ANHX: variants seen among roughly 807,000 people sequenced by gnomAD.
ANHX encodes the protein anomalous homeobox protein.
A neutral mutation model predicts 38.9 loss-of-function variants in ANHX; 20 were observed. The ratio of observed to expected loss-of-function variants is 0.51; its 90% CI spans 0.36 to 0.75. The LOEUF (loss-of-function observed/expected upper bound fraction) is 0.75, where lower values mean the gene tolerates loss of function less well. ANHX is among the 30% of genes least tolerant of loss of function. The probability of loss-of-function intolerance (pLI) is 0.00; values close to 1 mark genes in which losing one functional copy is unlikely to be tolerated. For missense variants in ANHX, 475 were observed against 493.1 expected, an observed-to-expected ratio of 0.96 and a Z score of 0.35; for synonymous variants, 185 against 203.1, an observed-to-expected ratio of 0.91 and a Z score of 0.76.
At position 133,224,703 on chromosome 12, in the gene ANHX, C is replaced by T. The variant is rs938451881; in HGVS notation, c.1132+833G>A. On this transcript the variant is annotated intron_variant, in intron 7 of 9. Transcript: ENST00000545940. ...AAAAAATGCTGGGCGTGGTGGCTCACGCCTGTAATCCCAGCACTTTGGGAG... is the reference window on the plus strand; with the variant it reads ...AAAAAATGCTGGGCGTGGTGGCTCATGCCTGTAATCCCAGCACTTTGGGAG... 2.1e-4 allele frequency among the ~76,000 whole-genome samples: 31 copies of T among 148,720 alleles called. No individual in the cohort carries two copies. The Middle Eastern group carries it at 0.011, about 53-fold the overall frequency.
chr12:133,231,397 G>A, intron 3 of ANHX, 120 bp downstream of exon 3: 1 of 1,364,828 alleles, frequency 7.3e-7, no homozygotes, highest in Non-Finnish European at 9.9e-7. Context: ...TGCTCCGGCG[G>A]ACATTTCCTG....
chr12:133,223,862 A>T (rs1208533845), intron 7 of ANHX, among the ~76,000 whole-genome samples: 1 of 152,156 alleles, frequency 6.6e-6, no homozygotes, highest in East Asian at 1.9e-4. Flanking sequence ...CCCAAAAAAT[A>T]AGAAAAAAAG....
intron 2 of ANHX, among the ~76,000 whole-genome samples, chr12:133,233,748 G>A (rs930398934): frequency 3.3e-5 from 5 of 152,178 alleles, no homozygotes; most frequent in East Asian, 1.9e-4. Flanking sequence ...ACTTGCGGCC[G>A]GGGAATGAGA....
chr12:133,223,211 T>A (rs1593957527), intron 7 of ANHX, among the ~76,000 whole-genome samples: 1 of 151,494 alleles, frequency 6.6e-6, no homozygotes, highest in Admixed American at 6.6e-5. Context: ...TATATATATA[T>A]AACTGTTAAA....
chr12:133,226,867 C>T, intron 5 of ANHX, 69 bp downstream of exon 5: 1 of 1,396,326 alleles, frequency 7.2e-7, no homozygotes, highest in Non-Finnish European at 9.5e-7. Flanking sequence ...AGTGTGACTA[C>T]CTAGGCCTGG....
At chr12:133,235,786 C>T (rs1189116881) in intron 1 of ANHX, 21 bp downstream of exon 1, 8 of 145,318 alleles carry the variant, frequency 5.5e-5, no homozygotes, top group Non-Finnish European at 6.2e-5. Context: ...TCCCGGACCC[C>T]CCTGCCCGCG....
intron 8 of ANHX, 27 bp from the exon 9 acceptor site, chr12:133,219,394 G>A (rs1040454117): frequency 1.4e-6 from 2 of 1,461,476 alleles, no homozygotes; most frequent in Admixed American, 2.3e-5. Flanking sequence ...GTAAGAATAG[G>A]CCCTATCTCA....
intron 1 of ANHX, 118 bp downstream of exon 1, chr12:133,235,689 C>CG (rs1447716916): frequency 3.6e-5 from 5 of 138,882 alleles, no homozygotes; most frequent in Non-Finnish European, 6.4e-5. Context: ...AGGACCCCCC[C>CG]CGCCTGCGCG....
rs566800648 is a variant in ANHX at position 133,218,714 on chromosome 12, C to T, written c.*171G>A. 2.0e-4 allele frequency: 94 copies of T among 481,358 alleles called. 2 individuals carry two copies. The South Asian group carries it at 3.6e-3, about 18-fold the overall frequency. 29.8% of individuals were successfully genotyped at this position (481,358 alleles called of 1,614,324 possible). A position where few individuals can be genotyped will look rare whatever the true frequency, so the allele number is the denominator to read the frequency against. Reference sequence around the variant, plus strand: ...CTACTACAGGGAATTGCTAACCAAACTATTCAAACATGGCAGTGGGAAAGA... The same window carrying T: ...CTACTACAGGGAATTGCTAACCAAATTATTCAAACATGGCAGTGGGAAAGA... On this transcript the variant is annotated 3_prime_UTR_variant, in exon 10 of 10. Transcript: ENST00000545940.
intron 9 of ANHX, 90 bp from the exon 10 acceptor site, chr12:133,219,061 A>C (rs1190056559): frequency 8.3e-7 from 1 of 1,210,902 alleles, no homozygotes; most frequent in Non-Finnish European, 1.1e-6. Flanking sequence ...CCTTGGGAAG[A>C]CCCCCCGCAA....
chr12:133,224,792 C>T (rs372718310), intron 7 of ANHX, among the ~76,000 whole-genome samples: 15 of 150,242 alleles, frequency 1.0e-4, no homozygotes, highest in South Asian at 4.2e-4. Context: ...GGTGAAACCC[C>T]GTCTCTACTA....
In ANHX at chr12:133,232,399, A is replaced by G. The variant is rs150472674; in HGVS notation, c.250-755T>C. Among the ~76,000 whole-genome samples, 297 of 80,880 alleles carry G rather than the reference A, an allele frequency of 3.7e-3. 1 individual carries two copies. The highest frequency in any genetic ancestry group is 0.012 in the African/African-American group (286 of 22,900). 53.1% of individuals were successfully genotyped at this position (80,880 alleles called of 152,430 possible). On this transcript the variant is annotated intron_variant, in intron 2 of 9. Coordinates refer to ENST00000545940, the MANE Select transcript of ANHX (RefSeq NM_001372060.1). ...GCTGCCTGGACCATCCTGGCGAGGG[A>G]GGTGCTGAGAATCATTCAGCTTTCT...
Position 133,225,318 on chromosome 12 carries a change from C to T in ANHX, c.1132+218G>A, listed in dbSNP as rs542545680. ...CTCTTCAGTGATATGCATACATACACACACACACACACACACACACACACA... is the reference window on the plus strand; with the variant it reads ...CTCTTCAGTGATATGCATACATACATACACACACACACACACACACACACA... On this transcript the variant is annotated intron_variant, in intron 7 of 9. Coordinates refer to ENST00000545940, the MANE Select transcript of ANHX (RefSeq NM_001372060.1). Among the ~76,000 whole-genome samples the T allele has an allele frequency of 8.6e-4, 124 of 143,986 alleles. 1 individual carries two copies. Among genetic ancestry groups the T allele is most frequent in the African/African-American group, 3.1e-3 (107 of 34,358 alleles). 94.5% of individuals were successfully genotyped at this position (143,986 alleles called of 152,430 possible). A position where few individuals can be genotyped will look rare whatever the true frequency, so the allele number is the denominator to read the frequency against.
intron 3 of ANHX, among the ~76,000 whole-genome samples, chr12:133,230,969 C>T (rs1009453207): frequency 6.6e-6 from 1 of 152,164 alleles, no homozygotes; most frequent in Non-Finnish European, 1.5e-5. Context: ...TTATTTAGTG[C>T]CTATCATGTG....
Position 133,218,909 on chromosome 12 carries a change from C to T in ANHX, c.1428G>A (p.Glu476=). The change falls in exon 10 of 10, where the codon GAG becomes GAA. Residue 476 remains glutamate, a synonymous_variant. Transcript: ENST00000545940. ...CTCAGCCCAGGCTGCTCCCTGAAAACTCAAGGAGCATCCTGGCTCCCCAGA... is the reference window on the plus strand; with the variant it reads ...CTCAGCCCAGGCTGCTCCCTGAAAATTCAAGGAGCATCCTGGCTCCCCAGA... ...DAFWGARMLL[E]FSGSSLG 1.3e-6 allele frequency: 2 copies of T among 1,532,590 alleles called. No individual in the cohort carries two copies. The highest frequency in any genetic ancestry group is 1.2e-5 in the South Asian group (1 of 83,872). 94.9% of individuals were successfully genotyped at this position (1,532,590 alleles called of 1,614,324 possible).
At chr12:133,224,840 G>C (rs533509349) in intron 7 of ANHX, among the ~76,000 whole-genome samples, 2 of 150,374 alleles carry the variant, frequency 1.3e-5, no homozygotes, top group Non-Finnish European at 1.5e-5. Flanking sequence ...GGTGGCGGGC[G>C]CCTGTAGTCC....
At position 133,227,821 on chromosome 12, in the gene ANHX, T is replaced by C; in HGVS notation, c.501+3A>G. 6.5e-7 allele frequency: 1 copy of C among 1,534,788 alleles called. No individual in the cohort carries two copies. Among genetic ancestry groups the C allele is most frequent in the South Asian group, 1.2e-5 (1 of 84,016 alleles). On this transcript the variant is annotated splice_donor_region_variant and intron_variant, in intron 4 of 9. Transcript: ENST00000545940. ...CTGGGTCCTGGGTATCTTCTATTCT[T>C]ACCCTCTCAGCCTTGCTGGGGTTGG...
In ANHX at chr12:133,222,080, C is replaced by T. The variant is rs1274596365; in HGVS notation, c.1133-728G>A. On this transcript the variant is annotated intron_variant, in intron 7 of 9. Coordinates refer to ENST00000545940, the MANE Select transcript of ANHX (RefSeq NM_001372060.1). The stretch of plus-strand genomic sequence containing the variant: ...GACCACCTAACCTGGTGCCCAGCTG[C>T]CCAGGGCCTTCTTAGGTTGAAGGGA... Among the ~76,000 whole-genome samples the T allele has an allele frequency of 3.9e-5, 6 of 152,264 alleles. No individual in the cohort carries two copies. The East Asian group carries it at 1.2e-3, about 29-fold the overall frequency.
chr12:133,224,667 A>G (rs1354398901), intron 7 of ANHX, among the ~76,000 whole-genome samples: 1 of 132,558 alleles, frequency 7.5e-6, no homozygotes, highest in East Asian at 2.3e-4. Context: ...CATCTCAAAA[A>G]AAAAAAAAAA....
Sources: allele counts gnomAD v4.1 joint callset (sites outside exome capture counted in the v4.1 genomes callset), GRCh38; gene constraint gnomAD v4.1.1; transcripts MANE v1.5; gene names NCBI Gene and HGNC (gene_info 2026-07-23, HGNC 2026-07-21).